TRAPPC9: variants seen among roughly 807,000 people sequenced by gnomAD.
TRAPPC9 encodes trafficking protein particle complex subunit 9.
TRAPPC9 carries 83 observed loss-of-function variants against 124.0 expected under a neutral mutation model. The ratio of observed to expected loss-of-function variants is 0.67; its 90% CI spans 0.56 to 0.80. The LOEUF (loss-of-function observed/expected upper bound fraction) is 0.80. TRAPPC9 is among the 30% of genes least tolerant of loss of function. The pLI, the probability that TRAPPC9 is intolerant of heterozygous loss-of-function variation, is 0.00. For synonymous variants in TRAPPC9, 638 were observed against 617.5 expected, an observed-to-expected ratio of 1.03 and a Z score of -0.49; for missense variants, 1,302 against 1,508.3, an observed-to-expected ratio of 0.86 and a Z score of 2.27.
chr8:140,021,495 T>A (rs1027832695), intron 18 of TRAPPC9, among the ~76,000 whole-genome samples: 1 of 152,260 alleles, frequency 6.6e-6, no homozygotes, highest in Non-Finnish European at 1.5e-5. Context: ...ATTTTAAAAG[T>A]GAAGGAAACA....
chr8:139,772,998 TGAG>T (rs1821090552), intron 21 of TRAPPC9, among the ~76,000 whole-genome samples: 1 of 152,236 alleles, frequency 6.6e-6, no homozygotes, highest in African/African-American at 2.4e-5. Flanking sequence ...GGCTGGAGGC[TGAG>T]GTCACTGTGT....
At chr8:140,124,727 G>A (rs2061053569) in intron 17 of TRAPPC9, among the ~76,000 whole-genome samples, 1 of 151,996 alleles carries the variant, frequency 6.6e-6, no homozygotes, top group South Asian at 2.1e-4. Context: ...CCGAGGGGAG[G>A]ACCAAAATCA....
At chr8:139,946,436 C>A (rs1261921122) in intron 19 of TRAPPC9, among the ~76,000 whole-genome samples, 2 of 152,216 alleles carry the variant, frequency 1.3e-5, no homozygotes, top group African/African-American at 4.8e-5. Flanking sequence ...AGAATCTACA[C>A]TGACCCTCTC....
At chr8:139,993,242 G>C (rs1378544923) in intron 18 of TRAPPC9, among the ~76,000 whole-genome samples, 2 of 152,072 alleles carry the variant, frequency 1.3e-5, no homozygotes, top group African/African-American at 4.8e-5. Context: ...TGACCCAATA[G>C]AAAATTAAGC....
chr8:139,967,668 T>G (rs1835789310), intron 19 of TRAPPC9, among the ~76,000 whole-genome samples: 1 of 152,226 alleles, frequency 6.6e-6, no homozygotes, highest in Non-Finnish European at 1.5e-5. Flanking sequence ...AGGAAATGCC[T>G]GGGCCCGCCA....
rs574361044 is a variant in TRAPPC9, at chr8:140,349,688, G to A, written c.1495+10362C>T. Among the ~76,000 whole-genome samples, 22 of 152,280 alleles carry A rather than the reference G, an allele frequency of 1.4e-4. 1 individual carries two copies. The East Asian group carries it at 1.7e-3, about 12-fold the overall frequency. ...TGAGCGCTTGTGCCATGGGCTTTGC[G>A]GCCCTTCCGCAACATTCCAATGAGA... is the stretch of plus-strand genomic sequence containing the variant. On this transcript the variant is annotated intron_variant, in intron 9 of 22. Transcript: ENST00000438773.
intron 17 of TRAPPC9, among the ~76,000 whole-genome samples, chr8:140,123,858 TGAAATGGGTCCATCAGGA>T (rs2061032551): frequency 1.3e-5 from 2 of 152,132 alleles, no homozygotes; most frequent in Admixed American, 1.3e-4. Context: ...GGAGTGCAGG[TGAAATGGGTCCATCAGGA>T]GAGGCTAGGT....
chr8:140,081,254 T>C (rs1486421233), intron 17 of TRAPPC9, among the ~76,000 whole-genome samples: 1 of 152,064 alleles, frequency 6.6e-6, no homozygotes, highest in East Asian at 1.9e-4. Flanking sequence ...GAATCCCAGC[T>C]CTGGCGTCTC....
At chr8:139,934,133 C>T (rs370022603) in intron 19 of TRAPPC9, among the ~76,000 whole-genome samples, 1 of 152,208 alleles carries the variant, frequency 6.6e-6, no homozygotes, top group South Asian at 2.1e-4. Context: ...ATGTGATTGC[C>T]TTCATTCATT....
chr8:140,438,332 C>A (rs995804795), intron 3 of TRAPPC9, among the ~76,000 whole-genome samples: 1 of 152,188 alleles, frequency 6.6e-6, no homozygotes, highest in Non-Finnish European at 1.5e-5. Context: ...GCAGTGGTAT[C>A]ACAATTTCAC....
intron 19 of TRAPPC9, chr8:139,932,315 C>T (rs539735689): frequency 2.0e-5 from 9 of 457,862 alleles, no homozygotes; most frequent in South Asian, 1.4e-4. Flanking sequence ...TCGTGGATGT[C>T]AGGCTTGGCC....
chr8:140,401,252 G>A (rs1366464169), intron 6 of TRAPPC9, among the ~76,000 whole-genome samples: 1 of 152,148 alleles, frequency 6.6e-6, no homozygotes, highest in Non-Finnish European at 1.5e-5. Flanking sequence ...GTACAAGGTG[G>A]GACAAGCAGT....
At chr8:140,393,659 G>A (rs944946947) in intron 7 of TRAPPC9, among the ~76,000 whole-genome samples, 5 of 152,094 alleles carry the variant, frequency 3.3e-5, no homozygotes, top group Non-Finnish European at 5.9e-5. Flanking sequence ...AAAGCAGAAG[G>A]AACCTGCAAT....
At chr8:139,970,334 T>C (rs952587455) in intron 19 of TRAPPC9, among the ~76,000 whole-genome samples, 10 of 152,188 alleles carry the variant, frequency 6.6e-5, no homozygotes, top group African/African-American at 2.4e-4. Flanking sequence ...CTCAGTGGCA[T>C]GTCACATGAG....
intron 20 of TRAPPC9, among the ~76,000 whole-genome samples, chr8:139,888,500 C>T (rs946431214): frequency 6.6e-6 from 1 of 152,132 alleles, no homozygotes; most frequent in Non-Finnish European, 1.5e-5. Context: ...GCCTCATCCC[C>T]ATTCTTCTCC....
chr8:140,218,139 C>T lies in TRAPPC9; in HGVS notation c.2556+3320G>A, dbSNP rs543996018. Among the ~76,000 whole-genome samples the T allele has an allele frequency of 5.9e-5, 9 of 152,208 alleles. No homozygotes were observed. The South Asian group carries it at 8.3e-4, about 14-fold the overall frequency. On this transcript the variant is annotated intron_variant, in intron 17 of 22. Coordinates refer to ENST00000438773, the MANE Select transcript of TRAPPC9 (RefSeq NM_001160372.4). ...ACAGCAAACGGCCAGCAGAGCTGCA[C>T]GACGCCACCACGACACTCGAACCTC...
intron 21 of TRAPPC9, among the ~76,000 whole-genome samples, chr8:139,852,234 C>T (rs1267022476): frequency 6.6e-6 from 1 of 152,140 alleles, no homozygotes; most frequent in African/African-American, 2.4e-5. Flanking sequence ...ACTGTGAGTC[C>T]AATTAAACCT....
In TRAPPC9 at chr8:140,335,490, G is replaced by A. The variant is rs143799130; in HGVS notation, c.1496-24116C>T. ...AAATGCCAACACCCTTAACTCAAAC[G>A]GGAAACATAGAAGGAAAAGAGAATG... On this transcript the variant is annotated intron_variant, in intron 9 of 22. Coordinates refer to ENST00000438773, the MANE Select transcript of TRAPPC9 (RefSeq NM_001160372.4). Among the ~76,000 whole-genome samples, 642 of 152,128 alleles carry A rather than the reference G, an allele frequency of 4.2e-3. 12 individuals carry two copies. The highest frequency in any genetic ancestry group is 0.015 in the African/African-American group (622 of 41,474).
At chr8:140,128,999 A>G (rs938068911) in intron 17 of TRAPPC9, among the ~76,000 whole-genome samples, 2 of 136,380 alleles carry the variant, frequency 1.5e-5, no homozygotes, top group Non-Finnish European at 3.2e-5. Flanking sequence ...ATATATATAT[A>G]TATATTAAAA....
Sources: allele counts gnomAD v4.1 joint callset (sites outside exome capture counted in the v4.1 genomes callset), GRCh38; gene constraint gnomAD v4.1.1; transcripts MANE v1.5; gene names NCBI Gene and HGNC (gene_info 2026-07-23, HGNC 2026-07-21).